PCDHGA12: variants seen among roughly 807,000 people sequenced by gnomAD.
PCDHGA12 encodes protocadherin gamma-A12.
Under a neutral mutation model 61.1 loss-of-function variants are expected in PCDHGA12, and 43 were observed. The ratio of observed to expected loss-of-function variants is 0.70; its 90% CI spans 0.55 to 0.91. The LOEUF is 0.91. Among genes scored for constraint, PCDHGA12 ranks in the 40% least tolerant of loss-of-function variants. The pLI is 0.00. For missense variants in PCDHGA12, 1,236 were observed against 1,227.7 expected, an observed-to-expected ratio of 1.01 and a Z score of -0.10; for synonymous variants, 520 against 542.9, an observed-to-expected ratio of 0.96 and a Z score of 0.59.
In PCDHGA12 at chr5:141,433,076, C is replaced by T; in HGVS notation, c.2317C>T (p.Pro773Ser). The T allele has an allele frequency of 6.2e-7, 1 of 1,614,188 alleles. No individual in the cohort carries two copies. Among genetic ancestry groups the T allele is most frequent in the Non-Finnish European group, 8.5e-7 (1 of 1,180,028 alleles). ...GAAGAGTCACCTGATCTTCCCCCAG[C>T]CCAACTATGCAGACATGCTCGTCAG... ...SRKSHLIFPQ[P>S]NYADMLVSQE... Residue 773 changes from proline (P) to serine (S), a missense_variant, in exon 1 of 4, where the codon CCC (proline) becomes TCC (serine). Physicochemically the swap from Pro to Ser is moderately conservative, Grantham distance 74. Coordinates refer to ENST00000252085, the MANE Select transcript of PCDHGA12 (RefSeq NM_003735.3).
Position 141,476,064 on chromosome 5 carries a change from C to T in PCDHGA12, c.2425-18743C>T, listed in dbSNP as rs1593605493. On this transcript the variant is annotated intron_variant, in intron 1 of 3. Transcript: ENST00000252085. The surrounding 1 kb of genome is among the most constrained non-coding windows in gnomAD (Gnocchi z 7.6). Reference sequence around the variant, plus strand: ...CGCTAACCCGCTGAAAGTTTCTCAGCGAAATCTCAGGGACGATCTGGACCC... The same window carrying T: ...CGCTAACCCGCTGAAAGTTTCTCAGTGAAATCTCAGGGACGATCTGGACCC... 2.0e-6 allele frequency: 3 copies of T among 1,510,080 alleles called. No homozygotes were observed. In the East Asian group the frequency reaches 6.8e-5, roughly 34 times the overall value. 93.5% of individuals were successfully genotyped at this position (1,510,080 alleles called of 1,614,324 possible). A position where few individuals can be genotyped will look rare whatever the true frequency, so the allele number is the denominator to read the frequency against.
At chr5:141,461,312 C>T (rs1318872213) in intron 1 of PCDHGA12, among the ~76,000 whole-genome samples, 1 of 152,064 alleles carries the variant, frequency 6.6e-6, no homozygotes, top group African/African-American at 2.4e-5. Flanking sequence ...TGTTTTTTGA[C>T]TTTTTAATAA....
chr5:141,483,530 GC>G (rs1384645281), intron 1 of PCDHGA12, among the ~76,000 whole-genome samples: 2 of 152,158 alleles, frequency 1.3e-5, no homozygotes, highest in African/African-American at 4.8e-5. Flanking sequence ...GACTAAGGAA[GC>G]TGGGTGGTTG....
chr5:141,476,820 T>C lies in PCDHGA12; in HGVS notation c.2425-17987T>C, dbSNP rs368919360. 6.2e-7 allele frequency: 1 copy of C among 1,613,594 alleles called. No individual in the cohort carries two copies. Among genetic ancestry groups the C allele is most frequent in the African/African-American group, 1.3e-5 (1 of 75,066 alleles). The stretch of plus-strand genomic sequence containing the variant: ...AGCCTGCCTATTCACATCAAGGTGC[T>C]GGACGCGAATGACAATGCGCCTGTC... On this transcript the variant is annotated intron_variant, in intron 1 of 3. Transcript: ENST00000252085. This position sits in a 1 kb window ranked among gnomAD's most constrained non-coding sequence, Gnocchi z 7.6.
chr5:141,431,440 C>T lies in PCDHGA12; in HGVS notation c.681C>T (p.Arg227=). ...GGDPVRTGTA[R]IRVMVLDAND... is the part of the protein sequence containing the mutation. ...ACCCGGTGCGCACAGGCACCGCGCG[C>T]ATCCGCGTGATGGTTCTGGATGCGA... is the stretch of plus-strand genomic sequence containing the variant. The change falls in exon 1 of 4, where the codon CGC becomes CGT. Residue 227 remains arginine, a synonymous_variant. Transcript: ENST00000252085. The surrounding 1 kb of genome is among the most constrained non-coding windows in gnomAD (Gnocchi z 4.8). 6.2e-7 allele frequency: 1 copy of T among 1,613,754 alleles called. No homozygotes were observed.
Position 141,432,211 on chromosome 5 carries a change from C to A in PCDHGA12, c.1452C>A (p.Asn484Lys), listed in dbSNP as rs1390215329. Residue 484 changes from asparagine to lysine, a missense_variant, in exon 1 of 4, where the codon AAC becomes AAA. Physicochemically the swap from Asn to Lys is moderately conservative, Grantham distance 94. Coordinates refer to ENST00000252085, the MANE Select transcript of PCDHGA12 (RefSeq NM_003735.3). The surrounding 1 kb of genome is among the most constrained non-coding windows in gnomAD (Gnocchi z 6.0). ...VTAHDPDCEE[N>K]AQITYSLAEN... The stretch of plus-strand genomic sequence containing the variant: ...CCCACGACCCCGACTGTGAAGAGAA[C>A]GCCCAGATCACTTATTCCCTGGCTG... 1 of 1,614,232 alleles carries A rather than the reference C, an allele frequency of 6.2e-7. No individual in the cohort carries two copies. Among genetic ancestry groups the A allele is most frequent in the Admixed American group, 1.7e-5 (1 of 60,032 alleles).
chr5:141,435,603 T>C (rs1195458514), intron 1 of PCDHGA12, among the ~76,000 whole-genome samples: 1 of 152,218 alleles, frequency 6.6e-6, no homozygotes, highest in African/African-American at 2.4e-5. Flanking sequence ...GCCTGCTTTT[T>C]ACATTAAATT....
chr5:141,499,089 A>G (rs1417307590), intron 2 of PCDHGA12, among the ~76,000 whole-genome samples: 2 of 152,116 alleles, frequency 1.3e-5, no homozygotes, highest in Non-Finnish European at 1.5e-5. Context: ...CCTGCTTGGC[A>G]CATGCTTCTC....
chr5:141,486,555 A>T lies in PCDHGA12; in HGVS notation c.2425-8252A>T, dbSNP rs746001345. The T allele has an allele frequency of 6.2e-6, 10 of 1,614,078 alleles. No individual in the cohort carries two copies. Among genetic ancestry groups the T allele is most frequent in the Non-Finnish European group, 7.6e-6 (9 of 1,180,022 alleles). ...CCCTCTTTCTTTCAGAGGTCACATGAGGTGTTTGTTCCTGAGAACAATCGC... is the reference window on the plus strand; with the variant it reads ...CCCTCTTTCTTTCAGAGGTCACATGTGGTGTTTGTTCCTGAGAACAATCGC... On this transcript the variant is annotated intron_variant, in intron 1 of 3. Transcript: ENST00000252085. This position sits in a 1 kb window ranked among gnomAD's most constrained non-coding sequence, Gnocchi z 5.0.
chr5:141,465,251 A>T (rs1436627558), intron 1 of PCDHGA12, among the ~76,000 whole-genome samples: 1 of 152,214 alleles, frequency 6.6e-6, no homozygotes, highest in Non-Finnish European at 1.5e-5. Flanking sequence ...GCACTTTTGT[A>T]AGCAATGATA....
At position 141,457,041 on chromosome 5, in the gene PCDHGA12, A is replaced by T. The variant is rs151212070; in HGVS notation, c.2424+23858A>T. On this transcript the variant is annotated intron_variant, in intron 1 of 3. Transcript: ENST00000252085. ...AAGTCCTAGTAGACTCAGTGATAGT[A>T]AAACTTTCATGCTTCCTTTTTGCCA... 2.3e-4 allele frequency among the ~76,000 whole-genome samples: 35 copies of T among 152,360 alleles called. No individual in the cohort carries two copies. In the East Asian group the frequency reaches 6.4e-3, roughly 28 times the overall value.
chr5:141,450,210 G>T (rs2098673599), intron 1 of PCDHGA12, among the ~76,000 whole-genome samples: 1 of 151,786 alleles, frequency 6.6e-6, no homozygotes. Flanking sequence ...TAGAGACAAG[G>T]TTTCACTATG....
chr5:141,507,849 C>CA (rs2099864208), intron 3 of PCDHGA12, among the ~76,000 whole-genome samples: 1 of 152,222 alleles, frequency 6.6e-6, no homozygotes, highest in African/African-American at 2.4e-5. Flanking sequence ...GCCCTGCTCT[C>CA]ACTTTCACAC....
intron 1 of PCDHGA12, among the ~76,000 whole-genome samples, chr5:141,465,335 T>C (rs1222292569): frequency 6.6e-6 from 1 of 152,186 alleles, no homozygotes; most frequent in African/African-American, 2.4e-5. Context: ...ATTTTTTATA[T>C]TGGTTACTGA....
intron 1 of PCDHGA12, among the ~76,000 whole-genome samples, chr5:141,445,417 A>C (rs1483224509): frequency 6.6e-6 from 1 of 152,208 alleles, no homozygotes; most frequent in Non-Finnish European, 1.5e-5. Context: ...ACTGTCTGCT[A>C]TATGCAAGGC....
intron 1 of PCDHGA12, among the ~76,000 whole-genome samples, chr5:141,469,449 C>A (rs1017174114): frequency 2.0e-5 from 3 of 151,846 alleles, no homozygotes; most frequent in African/African-American, 7.3e-5. Context: ...GTGGTGCACA[C>A]CTGTAGTCTC....
In PCDHGA12 at chr5:141,486,581, C is replaced by T; in HGVS notation, c.2425-8226C>T. 1 of 1,613,764 alleles carries T rather than the reference C, an allele frequency of 6.2e-7. No individual in the cohort carries two copies. The highest frequency in any genetic ancestry group is 1.1e-5 in the South Asian group (1 of 91,082). On this transcript the variant is annotated intron_variant, in intron 1 of 3. Coordinates refer to ENST00000252085, the MANE Select transcript of PCDHGA12 (RefSeq NM_003735.3). This position sits in a 1 kb window ranked among gnomAD's most constrained non-coding sequence, Gnocchi z 5.0. ...GGTGTTTGTTCCTGAGAACAATCGC[C>T]CAGGGGACCTGCTTTGCTCCCTTGC... is the stretch of plus-strand genomic sequence containing the variant.
At chr5:141,461,602 A>G (rs971808608) in intron 1 of PCDHGA12, among the ~76,000 whole-genome samples, 2 of 152,172 alleles carry the variant, frequency 1.3e-5, no homozygotes, top group African/African-American at 4.8e-5. Flanking sequence ...ATTATAATTT[A>G]GTTCAAAGTA....
chr5:141,469,711 T>C (rs894622720), intron 1 of PCDHGA12, among the ~76,000 whole-genome samples: 13 of 152,372 alleles, frequency 8.5e-5, no homozygotes, highest in African/African-American at 2.4e-4. Flanking sequence ...AATCACACTA[T>C]TAGGAATTTA....
Sources: gnomAD v4.1 joint callset for allele counts (sites outside exome capture counted in the v4.1 genomes callset) on GRCh38, gnomAD v4.1.1 for gene constraint, Gnocchi (gnomAD v3.1) non-coding constraint, MANE v1.5 for transcripts, NCBI Gene and HGNC (gene_info 2026-07-23, HGNC 2026-07-21) for gene names.